CYP39A1: variants seen among roughly 807,000 people sequenced by gnomAD.
CYP39A1 encodes 24-hydroxycholesterol 7-alpha-hydroxylase.
CYP39A1 carries 49 observed loss-of-function variants against 58.1 expected under a neutral mutation model. The ratio of observed to expected loss-of-function variants is 0.84; its 90% CI spans 0.67 to 1.07. CYP39A1 has a LOEUF of 1.07. CYP39A1 is among the 50% of genes least tolerant of loss of function. The pLI, the probability that CYP39A1 is intolerant of heterozygous loss-of-function variation, is 0.00. For missense variants in CYP39A1, 531 were observed against 539.4 expected, an observed-to-expected ratio of 0.98 and a Z score of 0.16; for synonymous variants, 209 against 187.6, an observed-to-expected ratio of 1.11 and a Z score of -0.93.
chr6:46,611,093 C>T (rs1457353616), intron 7 of CYP39A1, among the ~76,000 whole-genome samples: 3 of 152,224 alleles, frequency 2.0e-5, no homozygotes, highest in Non-Finnish European at 2.9e-5. Flanking sequence ...GCAAACCACA[C>T]ATGTTTCTAC....
At chr6:46,612,923 T>C (rs1185745781) in intron 7 of CYP39A1, among the ~76,000 whole-genome samples, 1 of 152,190 alleles carries the variant, frequency 6.6e-6, no homozygotes, top group Non-Finnish European at 1.5e-5. Flanking sequence ...CAATATGCCA[T>C]GATGGAGTCC....
At chr6:46,583,386 A>G in intron 10 of CYP39A1, 1 of 985,378 alleles carries the variant, frequency 1.0e-6, no homozygotes, top group Non-Finnish European at 1.2e-6. Flanking sequence ...TAGCAAGCAC[A>G]TCCCTAAGAT....
chr6:46,644,043 A>G (rs768967501), intron 1 of CYP39A1, among the ~76,000 whole-genome samples: 98 of 152,198 alleles, frequency 6.4e-4, no homozygotes, highest in Non-Finnish European at 1.0e-3. Context: ...CAACCAAGTT[A>G]TTGACATTGA....
chr6:46,634,727 C>T (rs750915991), intron 5 of CYP39A1, among the ~76,000 whole-genome samples: 3 of 151,858 alleles, frequency 2.0e-5, no homozygotes, highest in Non-Finnish European at 4.4e-5. Flanking sequence ...TCACCATGTT[C>T]GCCAGGCTGA....
chr6:46,625,431 C>T lies in CYP39A1; in HGVS notation c.918G>A (p.Val306=), dbSNP rs746154255. The change falls in exon 7 of 12, where the codon GTG becomes GTA. Residue 306 remains valine (V), a synonymous_variant. Transcript: ENST00000275016. ...HKAIMEGISS[V]FGKAGKDKIK... The stretch of plus-strand genomic sequence containing the variant: ...AAGGTTTAGTACCTGCTTTGCCAAA[C>T]ACAGAAGATATGCCTTCCATAATGG... 3.1e-6 allele frequency: 5 copies of T among 1,608,444 alleles called. No homozygotes were observed. Among genetic ancestry groups the T allele is most frequent in the Admixed American group, 1.7e-5 (1 of 59,696 alleles).
intron 7 of CYP39A1, among the ~76,000 whole-genome samples, chr6:46,616,913 G>A (rs944340166): frequency 1.3e-5 from 2 of 152,110 alleles, no homozygotes; most frequent in East Asian, 1.9e-4. Context: ...AGAGAAAAGA[G>A]CCAGTGGAGA....
rs570828055 is a variant in CYP39A1, at chr6:46,583,670, T to C, written c.1250+3407A>G. On this transcript the variant is annotated intron_variant, in intron 10 of 11. Transcript: ENST00000275016. Reference sequence around the variant, plus strand: ...TTTTCTTCCATGTGCTACAAGGAAGTGCCTCGCAGTGGGATCCTGCTCCAA... The same window carrying C: ...TTTTCTTCCATGTGCTACAAGGAAGCGCCTCGCAGTGGGATCCTGCTCCAA... The C allele has an allele frequency of 4.5e-5, 36 of 807,186 alleles. No homozygotes were observed. The South Asian group carries it at 1.7e-3, about 38-fold the overall frequency. 50.0% of individuals were successfully genotyped at this position (807,186 alleles called of 1,614,324 possible). A position where few individuals can be genotyped will look rare whatever the true frequency, so the allele number is the denominator to read the frequency against.
intron 5 of CYP39A1, among the ~76,000 whole-genome samples, chr6:46,633,546 T>C (rs1775781201): frequency 6.6e-6 from 1 of 152,210 alleles, no homozygotes; most frequent in Non-Finnish European, 1.5e-5. Context: ...GCTCACACTT[T>C]TTTTTAATAT....
At chr6:46,614,798 C>A (rs1166195759) in intron 7 of CYP39A1, among the ~76,000 whole-genome samples, 1 of 152,074 alleles carries the variant, frequency 6.6e-6, no homozygotes, top group Non-Finnish European at 1.5e-5. Context: ...TTTAAGAGGG[C>A]TGGACAACCA....
chr6:46,583,081 T>G (rs570754815), intron 10 of CYP39A1: 2 of 985,358 alleles, frequency 2.0e-6, no homozygotes, highest in African/African-American at 3.5e-5. Context: ...CTAGAATACA[T>G]GAAAGACCCA....
At chr6:46,650,865 T>C (rs1197268292) in intron 1 of CYP39A1, among the ~76,000 whole-genome samples, 1 of 152,122 alleles carries the variant, frequency 6.6e-6, no homozygotes, top group Non-Finnish European at 1.5e-5. Flanking sequence ...CACAAATATT[T>C]AGCCTTCTGA....
At chr6:46,562,754 C>A (rs114301865) in intron 10 of CYP39A1, among the ~76,000 whole-genome samples, 1 of 151,348 alleles carries the variant, frequency 6.6e-6, no homozygotes, top group Non-Finnish European at 1.5e-5. Context: ...TAATATTTAC[C>A]AATGTATTAA....
At chr6:46,561,426 T>C (rs1188600772) in intron 10 of CYP39A1, among the ~76,000 whole-genome samples, 2 of 152,044 alleles carry the variant, frequency 1.3e-5, no homozygotes, top group African/African-American at 2.4e-5. Flanking sequence ...GGGTGCAGTA[T>C]GGGAGCTGCG....
intron 1 of CYP39A1, 47 bp downstream of exon 1, chr6:46,652,359 A>T (rs761803592): frequency 1.6e-5 from 24 of 1,536,818 alleles, no homozygotes; most frequent in Non-Finnish European, 1.8e-5. Context: ...AGTTTAAAAA[A>T]GAAAGCATTG....
At chr6:46,609,370 C>A (rs1774063027) in intron 7 of CYP39A1, among the ~76,000 whole-genome samples, 1 of 150,954 alleles carries the variant, frequency 6.6e-6, no homozygotes, top group East Asian at 2.0e-4. Flanking sequence ...GCCACTGAGT[C>A]CGCGCCACTG....
chr6:46,603,714 G>A (rs1012782080), intron 7 of CYP39A1, among the ~76,000 whole-genome samples: 20 of 152,124 alleles, frequency 1.3e-4, no homozygotes, highest in South Asian at 8.3e-4. Flanking sequence ...TCGTTTACAC[G>A]TCTATGGCTG....
At chr6:46,633,403 A>G (rs1775774396) in intron 5 of CYP39A1, among the ~76,000 whole-genome samples, 1 of 152,206 alleles carries the variant, frequency 6.6e-6, no homozygotes. Flanking sequence ...CACATTTTAC[A>G]TTAATGATGC....
At chr6:46,622,426 T>A (rs1160039084) in intron 7 of CYP39A1, among the ~76,000 whole-genome samples, 4 of 151,948 alleles carry the variant, frequency 2.6e-5, no homozygotes, top group Admixed American at 2.0e-4. Context: ...AGAACGCACT[T>A]CTACCTTCCT....
intron 7 of CYP39A1, among the ~76,000 whole-genome samples, chr6:46,599,281 G>A (rs557692876): frequency 6.6e-6 from 1 of 152,106 alleles, no homozygotes; most frequent in Non-Finnish European, 1.5e-5. Context: ...TGTGCAACTC[G>A]CTATAGGAGC....
Sources: gnomAD v4.1 joint callset for allele counts (sites outside exome capture counted in the v4.1 genomes callset) on GRCh38, gnomAD v4.1.1 for gene constraint, MANE v1.5 for transcripts, NCBI Gene and HGNC (gene_info 2026-07-23, HGNC 2026-07-21) for gene names.